AMOTL1: variants seen among roughly 807,000 people sequenced by gnomAD.
AMOTL1 encodes angiomotin like 1.
In AMOTL1, 45 loss-of-function variants were observed where a neutral mutation model predicts 102.9. The observed-to-expected ratio is 0.44, with a 90% confidence interval of 0.34 to 0.56. The LOEUF (loss-of-function observed/expected upper bound fraction) is 0.56. Among genes scored for constraint, AMOTL1 ranks in the 20% least tolerant of loss-of-function variants. The pLI is 0.01. For missense variants in AMOTL1, 1,114 were observed against 1,225.6 expected, an observed-to-expected ratio of 0.91 and a Z score of 1.36; for synonymous variants, 481 against 484.7, an observed-to-expected ratio of 0.99 and a Z score of 0.10.
intron 6 of AMOTL1, among the ~76,000 whole-genome samples, chr11:94,848,837 T>G (rs1343772727): frequency 2.6e-5 from 4 of 152,268 alleles, no homozygotes; most frequent in Non-Finnish European, 5.9e-5. Context: ...TGCTGCATTC[T>G]TTCTATTACT....
intron 3 of AMOTL1, among the ~76,000 whole-genome samples, chr11:94,821,157 GCT>G (rs1951858587): frequency 6.6e-6 from 1 of 152,174 alleles, no homozygotes; most frequent in Non-Finnish European, 1.5e-5. Context: ...CTCCTTCTCT[GCT>G]CTCTCAGTAG....
chr11:94,710,173 T>C (rs1161362353), intron 1 of AMOTL1, among the ~76,000 whole-genome samples: 1 of 152,102 alleles, frequency 6.6e-6, no homozygotes, highest in East Asian at 1.9e-4. Context: ...TGGAATTTGT[T>C]AGGGGAAGGA....
chr11:94,719,622 T>C (rs1950147397), intron 1 of AMOTL1, among the ~76,000 whole-genome samples: 1 of 151,652 alleles, frequency 6.6e-6, no homozygotes, highest in Non-Finnish European at 1.5e-5. Flanking sequence ...GAAAGAAACA[T>C]AGGCAATATT....
chr11:94,829,129 T>A (rs989448049), intron 4 of AMOTL1, among the ~76,000 whole-genome samples: 1 of 152,192 alleles, frequency 6.6e-6, no homozygotes, highest in Admixed American at 6.5e-5. Context: ...AATATTTTTT[T>A]AAATGATTTT....
intron 6 of AMOTL1, among the ~76,000 whole-genome samples, chr11:94,840,194 G>T (rs1032870004): frequency 6.6e-6 from 1 of 152,140 alleles, no homozygotes; most frequent in Non-Finnish European, 1.5e-5. Flanking sequence ...AGAATACAAC[G>T]AGTAACTCCG....
At chr11:94,856,874 G>T (rs559956060) in intron 8 of AMOTL1, among the ~76,000 whole-genome samples, 59 of 152,300 alleles carry the variant, frequency 3.9e-4, no homozygotes, top group African/African-American at 1.4e-3. Context: ...CCAGACAAGG[G>T]CTCTGCCCTT....
At chr11:94,756,040 G>A (rs1190959093) in intron 3 of AMOTL1, among the ~76,000 whole-genome samples, 1 of 152,114 alleles carries the variant, frequency 6.6e-6, no homozygotes, top group Admixed American at 6.5e-5. Flanking sequence ...GGATGGAGTT[G>A]GAATGTGACC....
intron 1 of AMOTL1, among the ~76,000 whole-genome samples, chr11:94,707,394 A>G (rs1003393346): frequency 6.6e-6 from 1 of 152,016 alleles, no homozygotes; most frequent in Non-Finnish European, 1.5e-5. Flanking sequence ...TCAGCTTTGG[A>G]AGGCTCAATA....
At chr11:94,845,936 A>C (rs551640270) in intron 6 of AMOTL1, among the ~76,000 whole-genome samples, 3 of 152,324 alleles carry the variant, frequency 2.0e-5, no homozygotes, top group Non-Finnish European at 1.5e-5. Flanking sequence ...TTGGAGCCCT[A>C]CCAAAAATTC....
At chr11:94,813,046 C>T (rs972534144) in intron 3 of AMOTL1, among the ~76,000 whole-genome samples, 1 of 152,252 alleles carries the variant, frequency 6.6e-6, no homozygotes, top group Non-Finnish European at 1.5e-5. Flanking sequence ...TACCCCCATT[C>T]TCCGCAGGAG....
chr11:94,826,431 G>A (rs1289872444), intron 4 of AMOTL1, among the ~76,000 whole-genome samples: 2 of 152,186 alleles, frequency 1.3e-5, no homozygotes, highest in African/African-American at 4.8e-5. Flanking sequence ...AAAGAGAAGT[G>A]ATTTATTTAG....
intron 8 of AMOTL1, among the ~76,000 whole-genome samples, 189 bp downstream of exon 8, chr11:94,854,271 G>A (rs1475800083): frequency 1.3e-5 from 2 of 152,224 alleles, no homozygotes; most frequent in Admixed American, 1.3e-4. Flanking sequence ...TGGAGTGACA[G>A]ATGTCCTCAC....
chr11:94,774,968 C>A lies in AMOTL1; in HGVS notation c.49+6408C>A, dbSNP rs140846528. 4.2e-3 allele frequency among the ~76,000 whole-genome samples: 641 copies of A among 152,240 alleles called. 7 individuals are homozygous for A. Among genetic ancestry groups the A allele is most frequent in the African/African-American group, 0.014 (569 of 41,544 alleles). Reference sequence around the variant, plus strand: ...TGACTTTTTCTTCTATCATTTGTCTCTCACTCCTTGGAAGACATGCCACAA... The same window carrying A: ...TGACTTTTTCTTCTATCATTTGTCTATCACTCCTTGGAAGACATGCCACAA... On this transcript the variant is annotated intron_variant, in intron 1 of 12. Transcript: ENST00000433060.
At chr11:94,719,221 T>A (rs1252450336) in intron 1 of AMOTL1, among the ~76,000 whole-genome samples, 1 of 152,122 alleles carries the variant, frequency 6.6e-6, no homozygotes, top group Non-Finnish European at 1.5e-5. Context: ...TACCAAATAA[T>A]TTATTTATTC....
At chr11:94,847,517 C>T (rs957558567) in intron 6 of AMOTL1, among the ~76,000 whole-genome samples, 2 of 152,088 alleles carry the variant, frequency 1.3e-5, no homozygotes, top group African/African-American at 2.4e-5. Context: ...TAAGCATCAT[C>T]GTCATCAACA....
At chr11:94,774,357 C>T (rs913600759) in intron 1 of AMOTL1, among the ~76,000 whole-genome samples, 3 of 152,196 alleles carry the variant, frequency 2.0e-5, no homozygotes, top group African/African-American at 7.2e-5. Context: ...ATGATTTCCT[C>T]TGTGCCCTTG....
upstream of AMOTL1, among the ~76,000 whole-genome samples, chr11:94,766,369 T>C (rs945735872): frequency 9.2e-5 from 14 of 152,228 alleles, no homozygotes; most frequent in Non-Finnish European, 4.4e-5. Flanking sequence ...ATTTTCTTCA[T>C]CTTGCCAAAA....
At chr11:94,747,488 G>T (rs1284935432) in intron 3 of AMOTL1, among the ~76,000 whole-genome samples, 1 of 152,196 alleles carries the variant, frequency 6.6e-6, no homozygotes, top group African/African-American at 2.4e-5. Context: ...CAGGATGTAT[G>T]CTGGGTCTTA....
intron 1 of AMOTL1, among the ~76,000 whole-genome samples, chr11:94,794,065 C>T (rs1187421091): frequency 6.6e-6 from 1 of 152,096 alleles, no homozygotes; most frequent in Non-Finnish European, 1.5e-5. Flanking sequence ...GATAACAAAC[C>T]TAGTGAGAAG....
Sources: allele counts gnomAD v4.1 joint callset (sites outside exome capture counted in the v4.1 genomes callset), GRCh38; gene constraint gnomAD v4.1.1; transcripts MANE v1.5; gene names NCBI Gene and HGNC (gene_info 2026-07-23, HGNC 2026-07-21).